Variants in SMG1 observed in about 807,000 individuals in gnomAD.
SMG1 encodes serine/threonine-protein kinase SMG1.
A neutral mutation model predicts 419.9 loss-of-function variants in SMG1; 22 were observed. The ratio of observed to expected loss-of-function variants is 0.05; its 90% CI spans 0.04 to 0.07. SMG1 has a LOEUF of 0.07. Ranked by LOEUF, SMG1 falls within the 10% of genes least tolerant of loss-of-function variation. SMG1 has a pLI of 1.00. For synonymous variants in SMG1, 1,538 were observed against 1,553.5 expected, an observed-to-expected ratio of 0.99 and a Z score of 0.23; for missense variants, 3,185 against 4,342.0, an observed-to-expected ratio of 0.73 and a Z score of 7.49.
chr16:18,848,609 A>T (rs1168862686), intron 36 of SMG1, among the ~76,000 whole-genome samples: 2 of 151,842 alleles, frequency 1.3e-5, no homozygotes, highest in African/African-American at 2.4e-5. Flanking sequence ...CCTGGCCAAA[A>T]ATTGGTATAA....
At chr16:18,910,506 A>T (rs1227236324) in intron 1 of SMG1, among the ~76,000 whole-genome samples, 1 of 151,992 alleles carries the variant, frequency 6.6e-6, no homozygotes, top group Non-Finnish European at 1.5e-5. Context: ...CTGGGATTAC[A>T]GGTGTAAGCC....
At chr16:18,848,153 TC>T in intron 36 of SMG1, 120 bp from the exon 37 acceptor site, 1 of 796,334 alleles carries the variant, frequency 1.3e-6, no homozygotes, top group Non-Finnish European at 2.0e-6. Context: ...TCATTTGCCT[TC>T]CAGGCATAGA....
intron 39 of SMG1, among the ~76,000 whole-genome samples, chr16:18,843,019 T>C (rs909995536): frequency 1.2e-4 from 19 of 152,322 alleles, no homozygotes; most frequent in Admixed American, 2.0e-4. Flanking sequence ...TCACAGGAGA[T>C]AGAAGGAAAA....
chr16:18,886,783 C>A (rs1185898296), intron 6 of SMG1, among the ~76,000 whole-genome samples: 1 of 152,002 alleles, frequency 6.6e-6, no homozygotes, highest in African/African-American at 2.4e-5. Context: ...GCTTGGACAA[C>A]AGAGCAAGAT....
chr16:18,905,047 T>G (rs924640119), intron 1 of SMG1, among the ~76,000 whole-genome samples: 3 of 150,896 alleles, frequency 2.0e-5, no homozygotes, highest in Admixed American at 2.0e-4. Flanking sequence ...AGATCATGAG[T>G]TCAGGAGTTT....
chr16:18,855,324 A>G (rs1018070299), intron 29 of SMG1, among the ~76,000 whole-genome samples: 6 of 151,986 alleles, frequency 3.9e-5, no homozygotes, highest in African/African-American at 1.4e-4. Flanking sequence ...TCACTCATCC[A>G]TTAAACACCA....
chr16:18,905,647 T>G (rs1169507067), intron 1 of SMG1, among the ~76,000 whole-genome samples: 1 of 151,572 alleles, frequency 6.6e-6, no homozygotes, highest in African/African-American at 2.4e-5. Flanking sequence ...GACTCTGACT[T>G]TGTTGCCCAG....
At chr16:18,828,222 A>G in intron 54 of SMG1, 54 bp from the exon 55 acceptor site, 1 of 1,576,180 alleles carries the variant, frequency 6.3e-7, no homozygotes, top group Non-Finnish European at 8.7e-7. Context: ...GCGTTTAGAT[A>G]AATAAGGGAA....
At chr16:18,812,653 C>A (rs910585634) in intron 60 of SMG1, among the ~76,000 whole-genome samples, 1 of 147,344 alleles carries the variant, frequency 6.8e-6, no homozygotes, top group Non-Finnish European at 1.5e-5. Flanking sequence ...CATATACACA[C>A]ACACACACAT....
At position 18,830,264 on chromosome 16, in the gene SMG1, G is replaced by A; in HGVS notation, c.8898C>T (p.Gly2966=). The A allele has an allele frequency of 6.2e-7, 1 of 1,613,872 alleles. No individual in the cohort carries two copies. Among genetic ancestry groups the A allele is most frequent in the Non-Finnish European group, 8.5e-7 (1 of 1,179,866 alleles). ...AGQMLLVAFD[G]MFAQVETAFS... ...AAGCAGTTTCAACTTGAGCAAACAT[G>A]CCATCGAATGCTACCAAAAGCATCT... is the stretch of plus-strand genomic sequence containing the variant. The change falls in exon 52 of 63, where the codon GGC becomes GGT. Residue 2966 remains glycine, a synonymous_variant. Transcript: ENST00000446231.
chr16:18,830,537 C>T (rs1383249524), intron 51 of SMG1, among the ~76,000 whole-genome samples, 168 bp from the exon 52 acceptor site: 2 of 152,066 alleles, frequency 1.3e-5, no homozygotes, highest in African/African-American at 4.8e-5. Context: ...GCCTGTAATC[C>T]AGCACTTTGG....
intron 13 of SMG1, among the ~76,000 whole-genome samples, chr16:18,874,693 A>C (rs948644960): frequency 6.7e-5 from 10 of 149,280 alleles, no homozygotes; most frequent in African/African-American, 2.4e-4. Flanking sequence ...TGGTGAAACC[A>C]AGTCTCTACT....
chr16:18,924,205 TGAAA>T (rs1196716751), intron 1 of SMG1, among the ~76,000 whole-genome samples: 1 of 152,106 alleles, frequency 6.6e-6, no homozygotes, highest in African/African-American at 2.4e-5. Context: ...ATAAAGCACT[TGAAA>T]GAAACAACAT....
rs752940236 is a variant in SMG1, at chr16:18,836,445, T to A, written c.7692A>T (p.Ile2564=). The change falls in exon 47 of 63, where the codon ATA becomes ATT. Residue 2564 remains isoleucine, a synonymous_variant. Coordinates refer to ENST00000446231, the MANE Select transcript of SMG1 (RefSeq NM_015092.5). ...TATTGAATGCAGCCTGATAATGTGT[T>A]ATCCATTGTTCAAATTCATTCAGCT... ...QVKLNEFEQW[I]THYQAAFNNL... The A allele has an allele frequency of 9.9e-6, 16 of 1,613,946 alleles. No individual in the cohort carries two copies. In the South Asian group the frequency reaches 1.5e-4, roughly 16 times the overall value.
rs981254862 is a variant in SMG1, at chr16:18,840,515, G to A, written c.6697-569C>T. Among the ~76,000 whole-genome samples the A allele has an allele frequency of 5.9e-5, 9 of 152,210 alleles. 1 individual carries two copies. The East Asian group carries it at 1.7e-3, about 29-fold the overall frequency. On this transcript the variant is annotated intron_variant, in intron 41 of 62. Transcript: ENST00000446231. ...AAGCATTTTCTTTAGCTAGATGTGG[G>A]ATCCTGAAGATAAGACTGTATAAAA...
intron 41 of SMG1, among the ~76,000 whole-genome samples, chr16:18,841,271 GC>G (rs919161153): frequency 2.6e-5 from 4 of 151,288 alleles, no homozygotes; most frequent in African/African-American, 9.7e-5. Flanking sequence ...GTGGTTGTGC[GC>G]CCCCCATAGT....
chr16:18,907,616 G>A (rs542310190), intron 1 of SMG1, among the ~76,000 whole-genome samples: 17 of 152,028 alleles, frequency 1.1e-4, no homozygotes, highest in Admixed American at 4.6e-4. Flanking sequence ...TTGGGAGGCC[G>A]AGGCGGGCGG....
At chr16:18,906,922 G>T (rs1008609759) in intron 1 of SMG1, among the ~76,000 whole-genome samples, 1 of 152,238 alleles carries the variant, frequency 6.6e-6, no homozygotes, top group Non-Finnish European at 1.5e-5. Flanking sequence ...GCTGAGTAGG[G>T]TTGAGCAGTT....
In SMG1 at chr16:18,882,292, G is replaced by A; in HGVS notation, c.1166C>T (p.Pro389Leu). Residue 389 changes from proline (P) to leucine (L), a missense_variant, in exon 10 of 63, where the codon CCT becomes CTT. Coordinates refer to ENST00000446231, the MANE Select transcript of SMG1 (RefSeq NM_015092.5). The part of the protein sequence containing the change: ...ASGESVDEDV[P>L]PPSVSLPKLA... ...CTTTGGTAATGACACTGATGGAGGAGGGACATCTTCATCCACTGATTCCCC... is the reference window on the plus strand; with the variant it reads ...CTTTGGTAATGACACTGATGGAGGAAGGACATCTTCATCCACTGATTCCCC... The A allele has an allele frequency of 1.2e-6, 2 of 1,609,896 alleles. No individual in the cohort carries two copies. Among genetic ancestry groups the A allele is most frequent in the Non-Finnish European group, 1.7e-6 (2 of 1,178,780 alleles).
Sources: allele counts gnomAD v4.1 joint callset (sites outside exome capture counted in the v4.1 genomes callset), GRCh38; gene constraint gnomAD v4.1.1; transcripts MANE v1.5; gene names NCBI Gene and HGNC (gene_info 2026-07-23, HGNC 2026-07-21).